The following IGF1R variants were observed in gnomAD, a reference collection of about 807,000 sequenced individuals.
IGF1R encodes the protein insulin-like growth factor 1 receptor.
A neutral mutation model predicts 144.6 loss-of-function variants in IGF1R; 44 were observed. The observed-to-expected ratio is 0.30, with a 90% CI of 0.24 to 0.39. IGF1R has a LOEUF of 0.39. Among genes scored for constraint, IGF1R ranks in the 10% least tolerant of loss-of-function variants. The pLI, the probability that IGF1R is intolerant of heterozygous loss-of-function variation, is 1.00. For synonymous variants in IGF1R, 795 were observed against 722.8 expected (o/e 1.10, Z -1.60); for missense variants, 1,355 against 1,833.7 (o/e 0.74, Z 4.77).
intron 2 of IGF1R, among the ~76,000 whole-genome samples, chr15:98,856,006 A>G (rs2011792834): frequency 6.6e-6 from 1 of 152,236 alleles, no homozygotes; most frequent in Non-Finnish European, 1.5e-5. Flanking sequence ...GCTGCTGTAT[A>G]GTGGCAAGGT....
chr15:98,908,911 C>A lies in IGF1R; in HGVS notation c.1462+12C>A. On this transcript the variant is annotated intron_variant, in intron 6 of 20. Transcript: ENST00000650285. ...GGAGAGAGCCTCCTGTGAGTGACAG[C>A]ATCCAAAACACCGTGGGCCCAACCA... 2.5e-6 allele frequency: 4 copies of A among 1,608,318 alleles called. No homozygotes were observed. Among genetic ancestry groups the A allele is most frequent in the Non-Finnish European group, 3.4e-6 (4 of 1,175,890 alleles).
chr15:98,753,087 C>T (rs2055057697), intron 2 of IGF1R, among the ~76,000 whole-genome samples: 1 of 151,880 alleles, frequency 6.6e-6, no homozygotes, highest in Non-Finnish European at 1.5e-5. Flanking sequence ...AGGCACGTGC[C>T]ACCACACCTA....
chr15:98,748,858 T>C (rs1231984202), intron 2 of IGF1R, among the ~76,000 whole-genome samples: 1 of 152,252 alleles, frequency 6.6e-6, no homozygotes, highest in East Asian at 1.9e-4. Flanking sequence ...TTTCAGTAGC[T>C]ACAGTGGTTA....
intron 2 of IGF1R, among the ~76,000 whole-genome samples, chr15:98,810,575 C>A (rs566384647): frequency 7.1e-6 from 1 of 141,722 alleles, no homozygotes; most frequent in Admixed American, 7.3e-5. Flanking sequence ...TTTTTTGAGA[C>A]GGAGTCTCTG....
intron 10 of IGF1R, among the ~76,000 whole-genome samples, chr15:98,920,161 G>A (rs1484236282): frequency 6.6e-6 from 1 of 152,230 alleles, no homozygotes; most frequent in African/African-American, 2.4e-5. Context: ...TGTATTATGG[G>A]ATGGAGTGGG....
Position 98,959,374 on chromosome 15 carries a change from C to G in IGF1R, c.*1932C>G, listed in dbSNP as rs769082369. The G allele has an allele frequency of 8.6e-6, 2 of 233,670 alleles. No homozygotes were observed. Among genetic ancestry groups the G allele is most frequent in the African/African-American group, 4.4e-5 (2 of 45,358 alleles). 14.5% of individuals were successfully genotyped at this position (233,670 alleles called of 1,614,324 possible). On this transcript the variant is annotated 3_prime_UTR_variant, in exon 21 of 21. Transcript: ENST00000650285. ...AGGGCCTGTTGTGGCCCTCGCCACC[C>G]CCCTCACCGGACCGACTGACCTGTC...
At position 98,864,068 on chromosome 15, in the gene IGF1R, G is replaced by A. The variant is rs550292040; in HGVS notation, c.641-27257G>A. ...GAGCCAGGAGTTTGGGACCAGCTTG[G>A]GCAACATAGGGAAACCACATCACTA... On this transcript the variant is annotated intron_variant, in intron 2 of 20. Transcript: ENST00000650285. Among the ~76,000 whole-genome samples, 9 of 152,132 alleles carry A rather than the reference G, an allele frequency of 5.9e-5. No homozygotes were observed. In the South Asian group the frequency reaches 1.9e-3, roughly 32 times the overall value.
At chr15:98,942,180 CCAGTGGTGGGG>C (rs1183580366) in intron 18 of IGF1R, among the ~76,000 whole-genome samples, 1 of 152,092 alleles carries the variant, frequency 6.6e-6, no homozygotes, top group East Asian at 1.9e-4. Flanking sequence ...TTACTTTTCT[CCAGTGGTGGGG>C]CAGTGCTACC....
chr15:98,924,879 TG>T (rs1362256258), intron 13 of IGF1R, among the ~76,000 whole-genome samples, 195 bp downstream of exon 13: 1 of 152,174 alleles, frequency 6.6e-6, no homozygotes, highest in Non-Finnish European at 1.5e-5. Context: ...TGCCGAGCTT[TG>T]GGCTCCTACC....
chr15:98,652,187 A>C (rs572754784), intron 1 of IGF1R, among the ~76,000 whole-genome samples: 47 of 152,366 alleles, frequency 3.1e-4, no homozygotes, highest in Middle Eastern at 6.8e-3. Context: ...TTGTATCACC[A>C]TAATGTGAAC....
chr15:98,661,367 G>A (rs537141190), intron 1 of IGF1R, among the ~76,000 whole-genome samples: 1 of 152,326 alleles, frequency 6.6e-6, no homozygotes, highest in South Asian at 2.1e-4. Flanking sequence ...GTCTAGGTTG[G>A]TGTCAAGGGG....
At chr15:98,901,790 G>A (rs2014496304) in intron 5 of IGF1R, among the ~76,000 whole-genome samples, 1 of 152,184 alleles carries the variant, frequency 6.6e-6, no homozygotes, top group Admixed American at 6.5e-5. Context: ...AAGGCTTTCG[G>A]GAAAAACTTG....
intron 2 of IGF1R, among the ~76,000 whole-genome samples, chr15:98,888,725 G>A (rs539714049): frequency 6.6e-6 from 1 of 152,310 alleles, no homozygotes; most frequent in East Asian, 1.9e-4. Context: ...TCACTTTAGA[G>A]ATAGCTCTGA....
intron 5 of IGF1R, among the ~76,000 whole-genome samples, chr15:98,908,060 C>T (rs1042812989): frequency 2.6e-5 from 4 of 152,250 alleles, no homozygotes; most frequent in African/African-American, 7.2e-5. Flanking sequence ...GTCCTCTTGC[C>T]TGGATGAGAG....
chr15:98,866,870 G>A (rs1407424949), intron 2 of IGF1R, among the ~76,000 whole-genome samples: 1 of 152,206 alleles, frequency 6.6e-6, no homozygotes, highest in Non-Finnish European at 1.5e-5. Context: ...AGAATTCACT[G>A]GGTACGGGTA....
chr15:98,685,176 C>A (rs1019203068), intron 1 of IGF1R, among the ~76,000 whole-genome samples: 1 of 152,072 alleles, frequency 6.6e-6, no homozygotes, highest in Non-Finnish European at 1.5e-5. Context: ...AACTCCTGGA[C>A]TCAAGCAGTC....
chr15:98,796,485 G>A (rs939789354), intron 2 of IGF1R, among the ~76,000 whole-genome samples: 2 of 152,064 alleles, frequency 1.3e-5, no homozygotes, highest in Middle Eastern at 3.2e-3. Flanking sequence ...TGAGAATCCT[G>A]CAGGGAGAAA....
chr15:98,947,505 G>A, intron 19 of IGF1R, among the ~76,000 whole-genome samples: 1 of 152,090 alleles, frequency 6.6e-6, no homozygotes. Flanking sequence ...GTGATGAGTA[G>A]CCTATTTTAC....
chr15:98,956,765 C>T (rs376095650), intron 20 of IGF1R, among the ~76,000 whole-genome samples: 41 of 152,326 alleles, frequency 2.7e-4, no homozygotes, highest in African/African-American at 6.7e-4. Flanking sequence ...ACAGCTGTCA[C>T]GATGGACAGT....
Sources: gnomAD v4.1 joint callset for allele counts (sites outside exome capture counted in the v4.1 genomes callset) on GRCh38, gnomAD v4.1.1 for gene constraint, MANE v1.5 for transcripts, NCBI Gene and HGNC (gene_info 2026-07-23, HGNC 2026-07-21) for gene names.